ATG16L2: variants seen among roughly 807,000 people sequenced by gnomAD.
ATG16L2 encodes protein Atg16l2.
ATG16L2 carries 77 observed loss-of-function variants against 84.7 expected under a neutral mutation model. The ratio of observed to expected loss-of-function variants is 0.91; its 90% CI spans 0.76 to 1.10. The LOEUF (loss-of-function observed/expected upper bound fraction) is 1.10. ATG16L2 is among the 50% of genes least tolerant of loss of function. The pLI is 0.00. For synonymous variants in ATG16L2, 361 were observed against 342.8 expected, an observed-to-expected ratio of 1.05 and a Z score of -0.59; for missense variants, 782 against 817.6, an observed-to-expected ratio of 0.96 and a Z score of 0.53.
chr11:72,826,940 G>T, intron 13 of ATG16L2, 117 bp downstream of exon 13: 1 of 1,261,836 alleles, frequency 7.9e-7, no homozygotes, highest in South Asian at 1.4e-5. Flanking sequence ...GCATTTGGGG[G>T]TGAAACCTCT....
intron 3 of ATG16L2, among the ~76,000 whole-genome samples, chr11:72,819,967 G>C (rs896325328): frequency 1.3e-5 from 2 of 152,208 alleles, no homozygotes; most frequent in East Asian, 1.9e-4. Flanking sequence ...GGATGGTTTT[G>C]ATCTCCTGAC....
At chr11:72,839,183 G>C (rs1478310624) in intron 5 of ATG16L2, among the ~76,000 whole-genome samples, 1 of 152,214 alleles carries the variant, frequency 6.6e-6, no homozygotes, top group Non-Finnish European at 1.5e-5. Context: ...GGAGAGCAAT[G>C]CTTAGAGAAA....
At position 72,824,114 on chromosome 11, in the gene ATG16L2, G is replaced by C; in HGVS notation, c.879G>C (p.Gly293=). The C allele has an allele frequency of 6.2e-7, 1 of 1,614,210 alleles. No individual in the cohort carries two copies. Residue 293 remains glycine, a synonymous_variant, in exon 8 of 18, where the codon GGG becomes GGC. Coordinates refer to ENST00000321297, the MANE Select transcript of ATG16L2 (RefSeq NM_033388.2). ...CCCACTGTGTGGATGTGGTGAAGGG[G>C]CTTCTGGAGTAAGTGTGTGTGTGCC... ...TLSHCVDVVK[G]LLDFKKRRGH...
At chr11:72,836,280 T>C (rs964504436) in intron 5 of ATG16L2, among the ~76,000 whole-genome samples, 1 of 152,150 alleles carries the variant, frequency 6.6e-6, no homozygotes, top group Non-Finnish European at 1.5e-5. Context: ...AAATCTCCTT[T>C]CACACAATTC....
chr11:72,837,569 G>C (rs989330044), intron 5 of ATG16L2: 2 of 152,118 alleles, frequency 1.3e-5, no homozygotes, highest in Non-Finnish European at 2.9e-5. Flanking sequence ...AGCACCTGAC[G>C]TGGGGGCACC....
At chr11:72,841,968 C>T (rs753208235) in intron 5 of ATG16L2, among the ~76,000 whole-genome samples, 25 of 152,214 alleles carry the variant, frequency 1.6e-4, no homozygotes, top group Non-Finnish European at 3.5e-4. Context: ...GAATTTCTGA[C>T]TTCCCCAGGT....
rs144200516 is a variant in ATG16L2, at chr11:72,842,680, G to A, written c.*85G>A. Reference sequence around the variant, plus strand: ...TCTGAGGCTGAAAGTTCTTCCACTAGCACCGATGGGAAAACTCCAATACGC... The same window carrying A: ...TCTGAGGCTGAAAGTTCTTCCACTAACACCGATGGGAAAACTCCAATACGC... On this transcript the variant is annotated 3_prime_UTR_variant, in exon 6 of 6. Transcript: ENST00000534905. The A allele has an allele frequency of 2.5e-6, 4 of 1,613,844 alleles. No individual in the cohort carries two copies. In the African/African-American group the frequency reaches 4.0e-5, roughly 16 times the overall value.
exon 6 of ATG16L2, chr11:72,843,143 G>A (rs372481151): frequency 5.6e-6 from 9 of 1,613,406 alleles, no homozygotes; most frequent in Non-Finnish European, 6.8e-6. Flanking sequence ...CCTTGTTTCA[G>A]TCTTTACCAC....
At chr11:72,832,343 T>C (rs995138383), downstream of ATG16L2, among the ~76,000 whole-genome samples, 1 of 152,158 alleles carries the variant, frequency 6.6e-6, no homozygotes, top group East Asian at 1.9e-4. Flanking sequence ...AGGGAGCACA[T>C]GTTCACCTTA....
Position 72,822,619 on chromosome 11 carries a change from C to A in ATG16L2, c.710+76C>A. 2 of 1,562,480 alleles carry A rather than the reference C, an allele frequency of 1.3e-6. No individual in the cohort carries two copies. Among genetic ancestry groups the A allele is most frequent in the Non-Finnish European group, 1.7e-6 (2 of 1,150,940 alleles). On this transcript the variant is annotated intron_variant, in intron 6 of 17. Transcript: ENST00000321297. The surrounding 1 kb of genome is among the most constrained non-coding windows in gnomAD (Gnocchi z 4.2). ...GCCTGCCTGCGGCGACCCAGGCTGCCGACTGTACTTGTGCACAGCCCCGTC... is the reference window on the plus strand; with the variant it reads ...GCCTGCCTGCGGCGACCCAGGCTGCAGACTGTACTTGTGCACAGCCCCGTC...
At chr11:72,823,343 AG>A in intron 7 of ATG16L2, 1 of 324,030 alleles carries the variant, frequency 3.1e-6, no homozygotes, top group South Asian at 2.6e-5. Context: ...ATGAGGCCAC[AG>A]GTGTGTACAA....
chr11:72,826,979 C>A (rs1196907552), intron 13 of ATG16L2, 156 bp downstream of exon 13: 5 of 952,148 alleles, frequency 5.3e-6, no homozygotes, highest in Non-Finnish European at 7.8e-6. Flanking sequence ...TAATGGTATC[C>A]CCCAGTGGTG....
At chr11:72,827,148 C>T (rs746711858) in intron 13 of ATG16L2, 40 bp from the exon 14 acceptor site, 30 of 1,537,848 alleles carry the variant, frequency 2.0e-5, no homozygotes, top group Middle Eastern at 3.4e-4. Context: ...CTCCCGACAA[C>T]CCTCCTCTGA....
At chr11:72,834,528 C>A (rs925562342), downstream of ATG16L2, among the ~76,000 whole-genome samples, 38 of 151,742 alleles carry the variant, frequency 2.5e-4, no homozygotes, top group African/African-American at 8.7e-4. Context: ...TATCTAGAAA[C>A]AACTCATCCA....
chr11:72,841,414 G>A, intron 5 of ATG16L2: 1 of 1,570,930 alleles, frequency 6.4e-7, no homozygotes, highest in Admixed American at 1.8e-5. Context: ...GGTTTCTGAA[G>A]TGAAAATGCA....
intron 9 of ATG16L2, 53 bp downstream of exon 9, chr11:72,824,895 A>ACAGGGGTGGTCTCGGCAC: frequency 1.4e-6 from 2 of 1,466,284 alleles, no homozygotes; most frequent in East Asian, 2.3e-5. Context: ...GAGTGCAGGC[A>ACAGGGGTGGTCTCGGCAC]CAGGGGTGGT....
At chr11:72,829,905 A>T (rs534059616), downstream of ATG16L2, among the ~76,000 whole-genome samples, 1 of 152,284 alleles carries the variant, frequency 6.6e-6, no homozygotes, top group East Asian at 1.9e-4. Context: ...TGCTTCAGGC[A>T]CTCAGGGTAG....
chr11:72,829,399 C>A lies in ATG16L2; in HGVS notation c.*9C>A. 2.5e-6 allele frequency: 4 copies of A among 1,607,474 alleles called. No individual in the cohort carries two copies. Among genetic ancestry groups the A allele is most frequent in the Non-Finnish European group, 3.4e-6 (4 of 1,176,794 alleles). On this transcript the variant is annotated 3_prime_UTR_variant, in exon 18 of 18. Transcript: ENST00000321297. Reference sequence around the variant, plus strand: ...TTGTGCTCTGGCAGTAGGGCCACGACCTGCCTGCCTGGGCTGGAGCTCTTG... The same window carrying A: ...TTGTGCTCTGGCAGTAGGGCCACGAACTGCCTGCCTGGGCTGGAGCTCTTG...
At chr11:72,826,433 G>C in intron 11 of ATG16L2, 85 bp from the exon 12 acceptor site, 1 of 1,554,916 alleles carries the variant, frequency 6.4e-7, no homozygotes, top group African/African-American at 1.4e-5. Flanking sequence ...GTGGGAAACT[G>C]TGAGGCAGCC....
Sources: gnomAD v4.1 joint callset for allele counts (sites outside exome capture counted in the v4.1 genomes callset) on GRCh38, gnomAD v4.1.1 for gene constraint, Gnocchi (gnomAD v3.1) non-coding constraint, MANE v1.5 for transcripts, NCBI Gene and HGNC (gene_info 2026-07-23, HGNC 2026-07-21) for gene names.